Variants in SYT13 observed in about 807,000 individuals in gnomAD.
SYT13 encodes synaptotagmin 13.
In SYT13, 21 loss-of-function variants were observed where a neutral mutation model predicts 38.6. The observed-to-expected ratio is 0.54, with a 90% CI of 0.39 to 0.78. The LOEUF is 0.78. Ranked by LOEUF, SYT13 falls within the 30% of genes least tolerant of loss-of-function variation. The pLI is 0.00. For synonymous variants in SYT13, 241 were observed against 237.6 expected (o/e 1.01, Z -0.13); for missense variants, 495 against 548.7 (o/e 0.90, Z 0.98).
chr11:45,246,561 T>G, intron 4 of SYT13, 49 bp from the exon 5 acceptor site: 1 of 1,594,462 alleles, frequency 6.3e-7, no homozygotes, highest in East Asian at 2.3e-5. Context: ...TGGGGACGCC[T>G]TCCAACCCAT....
At chr11:45,267,466 G>A (rs1453288854) in intron 1 of SYT13, among the ~76,000 whole-genome samples, 1 of 152,072 alleles carries the variant, frequency 6.6e-6, no homozygotes, top group Non-Finnish European at 1.5e-5. Flanking sequence ...AGATTCCCAG[G>A]CCCCCCAGAG....
chr11:45,267,639 C>T (rs960467072), intron 1 of SYT13, among the ~76,000 whole-genome samples: 2 of 152,096 alleles, frequency 1.3e-5, no homozygotes, highest in African/African-American at 4.8e-5. Flanking sequence ...CGCTCAGCTC[C>T]CCCCGGCAAC....
chr11:45,248,874 A>C (rs1854642692), intron 4 of SYT13, among the ~76,000 whole-genome samples: 1 of 152,094 alleles, frequency 6.6e-6, no homozygotes, highest in South Asian at 2.1e-4. Context: ...AGACAATTTC[A>C]ACACCTGCTC....
At chr11:45,257,187 T>A (rs1854758944) in intron 1 of SYT13, among the ~76,000 whole-genome samples, 1 of 152,180 alleles carries the variant, frequency 6.6e-6, no homozygotes, top group African/African-American at 2.4e-5. Context: ...CTTAAGTATA[T>A]GGGGCTCCTC....
chr11:45,269,320 T>TA (rs143823415), intron 1 of SYT13: 27,506 of 656,654 alleles, frequency 0.042, 844 homozygotes, highest in Non-Finnish European at 0.051. Flanking sequence ...AAACAATTAT[T>TA]AAAAAAACAA....
At chr11:45,247,728 AGCAAGCATATGCAAT>A (rs1854630129) in intron 4 of SYT13, among the ~76,000 whole-genome samples, 1 of 152,226 alleles carries the variant, frequency 6.6e-6, no homozygotes, top group South Asian at 2.1e-4. Flanking sequence ...TCATTCATTC[AGCAAGCATATGCAAT>A]GCACCTACTA....
chr11:45,284,076 A>G (rs1254852959), intron 1 of SYT13, among the ~76,000 whole-genome samples: 1 of 152,226 alleles, frequency 6.6e-6, no homozygotes. Context: ...TTTGTATGAA[A>G]GGCCAGAGAA....
chr11:45,246,453 G>C lies in SYT13; in HGVS notation c.906C>G (p.Asn302Lys). 1.2e-6 allele frequency: 2 copies of C among 1,614,174 alleles called. No individual in the cohort carries two copies. The highest frequency in any genetic ancestry group is 2.2e-5 in the East Asian group (1 of 44,874). ...CTTTAATCAGCACCACCAGGAGGCG[G>C]TTGGCAGCCGGGAGGTAGCTGATGG... Reference protein sequence around the residue: ...LLSISYLPAANRLLVVLIKAK... With the variant: ...LLSISYLPAAKRLLVVLIKAK... The change falls in exon 5 of 6, where the codon AAC (asparagine) becomes AAG (lysine). Residue 302 changes from asparagine to lysine, a missense_variant. Physicochemically the swap from Asn to Lys is moderately conservative, Grantham distance 94. Coordinates refer to ENST00000020926, the MANE Select transcript of SYT13 (RefSeq NM_020826.3).
chr11:45,253,246 G>C (rs544978021), intron 3 of SYT13, among the ~76,000 whole-genome samples: 1 of 152,272 alleles, frequency 6.6e-6, no homozygotes, highest in South Asian at 2.1e-4. Flanking sequence ...TTCAGGGATC[G>C]TTTGGAAAGT....
intron 1 of SYT13, among the ~76,000 whole-genome samples, chr11:45,267,443 G>A (rs1397034343): frequency 2.0e-5 from 3 of 152,154 alleles, no homozygotes; most frequent in African/African-American, 7.2e-5. Flanking sequence ...TTCATTTGGG[G>A]AGTGCACAGT....
Position 45,252,269 on chromosome 11 carries a change from C to A in SYT13, c.846+152G>T. ...GCTATGGGTCTCCTCTAGCCCTCTG[C>A]CCCATTCAAGATTCCAACCTCCCTT... On this transcript the variant is annotated intron_variant, in intron 4 of 5. Transcript: ENST00000020926. The surrounding 1 kb of genome is among the most constrained non-coding windows in gnomAD (Gnocchi z 4.3). 1 of 896,570 alleles carries A rather than the reference C, an allele frequency of 1.1e-6. No homozygotes were observed. Among genetic ancestry groups the A allele is most frequent in the Non-Finnish European group, 1.7e-6 (1 of 594,178 alleles). The allele number at this position is 896,570 out of a possible 1,614,324, so 55.5% of individuals were successfully genotyped here.
rs765564612 is a variant in SYT13 at position 45,276,085 on chromosome 11, A to T, written c.183+9940T>A. On this transcript the variant is annotated intron_variant, in intron 1 of 5. Coordinates refer to ENST00000020926, the MANE Select transcript of SYT13 (RefSeq NM_020826.3). Reference sequence around the variant, plus strand: ...TCGCCAGCTACTGTGGTTTTTGGATATATACCCAAAGGATTGTAAATCATT... The same window carrying T: ...TCGCCAGCTACTGTGGTTTTTGGATTTATACCCAAAGGATTGTAAATCATT... 1.4e-4 allele frequency among the ~76,000 whole-genome samples: 21 copies of T among 152,218 alleles called. 1 individual carries two copies. Among genetic ancestry groups the T allele is most frequent in the Non-Finnish European group, 2.6e-4 (18 of 68,040 alleles).
At chr11:45,263,118 G>A (rs1394074634) in intron 1 of SYT13, among the ~76,000 whole-genome samples, 1 of 152,138 alleles carries the variant, frequency 6.6e-6, no homozygotes, top group Non-Finnish European at 1.5e-5. Context: ...CTCCGGCTCT[G>A]CCTCCAGTAA....
intron 1 of SYT13, among the ~76,000 whole-genome samples, chr11:45,274,692 G>A (rs983056084): frequency 2.6e-5 from 4 of 152,152 alleles, no homozygotes; most frequent in Admixed American, 6.5e-5. Flanking sequence ...TTACCAAACC[G>A]CTTTTACCCA....
intron 1 of SYT13, among the ~76,000 whole-genome samples, chr11:45,272,588 G>A (rs896822384): frequency 1.3e-5 from 2 of 152,194 alleles, no homozygotes; most frequent in Non-Finnish European, 2.9e-5. Context: ...TAAATGAGAT[G>A]CAAACCTAAT....
chr11:45,285,347 G>C (rs998022434), intron 1 of SYT13, among the ~76,000 whole-genome samples: 2 of 152,186 alleles, frequency 1.3e-5, no homozygotes, highest in Non-Finnish European at 2.9e-5. Flanking sequence ...CTCCAGGGAC[G>C]TCTGCAGAGA....
At chr11:45,275,876 A>G (rs1056136836) in intron 1 of SYT13, among the ~76,000 whole-genome samples, 1 of 152,338 alleles carries the variant, frequency 6.6e-6, no homozygotes, top group Admixed American at 6.5e-5. Context: ...GATGACAATA[A>G]TAACATATTT....
chr11:45,273,709 A>G (rs1486485658), intron 1 of SYT13, among the ~76,000 whole-genome samples: 1 of 152,232 alleles, frequency 6.6e-6, no homozygotes, highest in African/African-American at 2.4e-5. Flanking sequence ...TGCACATAGC[A>G]GGTATGCAAG....
intron 5 of SYT13, among the ~76,000 whole-genome samples, chr11:45,245,138 T>C (rs917462433): frequency 1.1e-4 from 16 of 152,210 alleles, no homozygotes; most frequent in African/African-American, 3.9e-4. Context: ...GAAGGCAGAC[T>C]GCCTGTTCCT....
Sources: gnomAD v4.1 joint callset for allele counts (sites outside exome capture counted in the v4.1 genomes callset) on GRCh38, gnomAD v4.1.1 for gene constraint, Gnocchi (gnomAD v3.1) non-coding constraint, MANE v1.5 for transcripts, NCBI Gene and HGNC (gene_info 2026-07-23, HGNC 2026-07-21) for gene names.